Variants in RCOR1 observed in about 807,000 individuals in gnomAD.
The protein encoded by RCOR1 is REST corepressor 1.
In RCOR1, 12 loss-of-function variants were observed where a neutral mutation model predicts 64.0. The ratio of observed to expected loss-of-function variants is 0.19; its 90% CI spans 0.12 to 0.30. RCOR1 has a LOEUF of 0.30. RCOR1 is among the 10% of genes least tolerant of loss of function. The pLI, the probability that RCOR1 is intolerant of heterozygous loss-of-function variation, is 1.00. For synonymous variants in RCOR1, 279 were observed against 227.2 expected (o/e 1.23, Z -2.05); for missense variants, 502 against 621.2 (o/e 0.81, Z 2.04).
chr14:102,599,805 TTTG>T lies in RCOR1; in HGVS notation c.361+6483_361+6485del, dbSNP rs1268017728. ...TGAATGCTTTGTGGTTTTGTTTTGT[TTTG>T]TTTTTTTTTTTTGAAACAAGGTCTT... On this transcript the variant is annotated intron_variant, in intron 2 of 11. Coordinates refer to ENST00000262241, the MANE Select transcript of RCOR1 (RefSeq NM_015156.4). Among the ~76,000 whole-genome samples the T allele has an allele frequency of 1.7e-4, 14 of 83,352 alleles. 1 individual carries two copies. The highest frequency in any genetic ancestry group is 2.4e-4 in the Non-Finnish European group (8 of 33,764). The allele number at this position is 83,352 out of a possible 152,430, so 54.7% of individuals were successfully genotyped here. A position where few individuals can be genotyped will look rare whatever the true frequency, so the allele number is the denominator to read the frequency against.
intron 2 of RCOR1, among the ~76,000 whole-genome samples, chr14:102,670,741 TTATA>T (rs5811078): frequency 4.8e-5 from 7 of 146,714 alleles, no homozygotes; most frequent in Admixed American, 1.4e-4. Flanking sequence ...GACAAGATTA[TTATA>T]TATATATATA....
At chr14:102,635,266 G>A (rs796678660) in intron 2 of RCOR1, among the ~76,000 whole-genome samples, 6 of 152,140 alleles carry the variant, frequency 3.9e-5, no homozygotes, top group Admixed American at 1.3e-4. Flanking sequence ...CACTTTGGGC[G>A]GCCCAGGCGG....
intron 2 of RCOR1, among the ~76,000 whole-genome samples, chr14:102,612,278 C>G (rs1328779614): frequency 6.6e-6 from 1 of 152,078 alleles, no homozygotes; most frequent in East Asian, 1.9e-4. Context: ...CTTCCCAAAC[C>G]TTGGCCTCCC....
At chr14:102,653,920 CTTCT>C (rs553960381) in intron 2 of RCOR1, among the ~76,000 whole-genome samples, 5,690 of 98,508 alleles carry the variant, frequency 0.058, 339 homozygotes, top group Non-Finnish European at 0.078. Context: ...CAGGTATTTC[CTTCT>C]TTCTTTCTTT....
chr14:102,678,727 A>G lies in RCOR1; in HGVS notation c.362-3168A>G, dbSNP rs143087261. Among the ~76,000 whole-genome samples, 155 of 152,330 alleles carry G rather than the reference A, an allele frequency of 1.0e-3. 2 individuals are homozygous for G. In the East Asian group the frequency reaches 0.028, roughly 27 times the overall value. ...TGCAAAACTTTCCCAGAATGGCTTT[A>G]TAATTTTGCATTTACACCAGCAGTG... On this transcript the variant is annotated intron_variant, in intron 2 of 11. Coordinates refer to ENST00000262241, the MANE Select transcript of RCOR1 (RefSeq NM_015156.4).
chr14:102,690,339 C>A (rs1348506701), intron 3 of RCOR1, among the ~76,000 whole-genome samples: 1 of 152,116 alleles, frequency 6.6e-6, no homozygotes, highest in Non-Finnish European at 1.5e-5. Flanking sequence ...TCAGGTGTCT[C>A]TATTCAGAGC....
At chr14:102,593,556 C>A (rs1595184872) in intron 2 of RCOR1, among the ~76,000 whole-genome samples, 1 of 152,252 alleles carries the variant, frequency 6.6e-6, no homozygotes, top group Admixed American at 6.5e-5. Context: ...GCCGGCGCCG[C>A]TGCCCCCTTG....
intron 3 of RCOR1, among the ~76,000 whole-genome samples, chr14:102,694,991 C>A (rs967991237): frequency 5.3e-5 from 8 of 152,164 alleles, no homozygotes; most frequent in African/African-American, 1.7e-4. Context: ...GCCTTGTCAT[C>A]AGCCCACCAT....
chr14:102,637,987 C>A (rs910913672), intron 2 of RCOR1, among the ~76,000 whole-genome samples: 1 of 151,860 alleles, frequency 6.6e-6, no homozygotes, highest in African/African-American at 2.4e-5. Flanking sequence ...TCTTTTTGTT[C>A]CAATTTCTGT....
chr14:102,634,960 G>A (rs766853454), intron 2 of RCOR1, among the ~76,000 whole-genome samples: 5 of 150,822 alleles, frequency 3.3e-5, no homozygotes, highest in Non-Finnish European at 5.9e-5. Context: ...CGCCCACCTC[G>A]GCCTCCCAAA....
intron 2 of RCOR1, among the ~76,000 whole-genome samples, chr14:102,679,310 A>T (rs12897586): frequency 0.039 from 5,891 of 152,146 alleles, 130 homozygotes; most frequent in Non-Finnish European, 0.044. Flanking sequence ...AAATTTTTTT[A>T]AAAAAATGTT....
chr14:102,609,340 G>A (rs569439803), intron 2 of RCOR1, among the ~76,000 whole-genome samples: 11 of 152,026 alleles, frequency 7.2e-5, no homozygotes, highest in Admixed American at 2.6e-4. Context: ...ACTGTGCCTG[G>A]TCTGTGCTTA....
In RCOR1 at chr14:102,613,165, A is replaced by T. The variant is rs556529033; in HGVS notation, c.361+19840A>T. Among the ~76,000 whole-genome samples, 15 of 151,946 alleles carry T rather than the reference A, an allele frequency of 9.9e-5. No homozygotes were observed. In the South Asian group the frequency reaches 2.7e-3, roughly 27 times the overall value. On this transcript the variant is annotated intron_variant, in intron 2 of 11. Transcript: ENST00000262241. ...CGCCCACGCTGGAATGCAGTGGCACAATCTCGGCTCATTGCAACCTTCGCC... is the reference window on the plus strand; with the variant it reads ...CGCCCACGCTGGAATGCAGTGGCACTATCTCGGCTCATTGCAACCTTCGCC...
chr14:102,615,274 A>T (rs549154916), intron 2 of RCOR1, among the ~76,000 whole-genome samples: 1 of 149,250 alleles, frequency 6.7e-6, no homozygotes, highest in South Asian at 2.1e-4. Context: ...CTGGAACTAC[A>T]GGTGTATGTC....
Position 102,593,040 on chromosome 14 carries a change from T to C in RCOR1, c.154T>C (p.Ser52Pro). The change falls in exon 1 of 12, where the codon TCC (serine) becomes CCC (proline). Residue 52 changes from serine to proline, a missense_variant. By Grantham distance (74) the Ser-to-Pro change is moderately conservative. This residue lies in a region of RCOR1 where 242 missense variants were observed against 204.9 expected (regional missense o/e 1.18). Coordinates refer to ENST00000262241, the MANE Select transcript of RCOR1 (RefSeq NM_015156.4). ...CACTGCCGCCTCGGGCGCCGCCGCC[T>C]CCTCAGCCTCGGCCGCCGCCGCCTC... ...AATAASGAAA[S>P]SASAAAASAA... is the part of the protein sequence containing the mutation. 7.7e-7 allele frequency: 1 copy of C among 1,301,134 alleles called. No homozygotes were observed. Among genetic ancestry groups the C allele is most frequent in the Non-Finnish European group, 9.8e-7 (1 of 1,016,162 alleles). The allele number at this position is 1,301,134 out of a possible 1,614,324, so 80.6% of individuals were successfully genotyped here. A position where few individuals can be genotyped will look rare whatever the true frequency, so the allele number is the denominator to read the frequency against.
rs563390894 is a variant in RCOR1 at position 102,597,817 on chromosome 14, AT to A, written c.361+4506del. 3.7e-3 allele frequency among the ~76,000 whole-genome samples: 494 copies of A among 135,242 alleles called. 3 individuals are homozygous for A. The highest frequency in any genetic ancestry group is 5.3e-3 in the Non-Finnish European group (331 of 62,384). 88.7% of individuals were successfully genotyped at this position (135,242 alleles called of 152,430 possible). A position where few individuals can be genotyped will look rare whatever the true frequency, so the allele number is the denominator to read the frequency against. Reference sequence around the variant, plus strand: ...TCTGGCTAATTTTGGTATTTTTGCAATTTTTTTTTTTTTTGAGATGGAGTTT... The same window carrying A: ...TCTGGCTAATTTTGGTATTTTTGCAATTTTTTTTTTTTTGAGATGGAGTTT... On this transcript the variant is annotated intron_variant, in intron 2 of 11. Transcript: ENST00000262241.
At chr14:102,672,578 A>T (rs1411503511) in intron 2 of RCOR1, among the ~76,000 whole-genome samples, 9 of 152,206 alleles carry the variant, frequency 5.9e-5, no homozygotes, top group Non-Finnish European at 4.4e-5. Flanking sequence ...TAGCCAAATA[A>T]TCTGACTAAA....
chr14:102,676,038 T>G (rs1392647636), intron 2 of RCOR1, among the ~76,000 whole-genome samples: 1 of 152,128 alleles, frequency 6.6e-6, no homozygotes, highest in African/African-American at 2.4e-5. Context: ...ACAGTTTTTT[T>G]TTTTTTTTTT....
chr14:102,711,573 G>A (rs1895959165), intron 7 of RCOR1, among the ~76,000 whole-genome samples: 1 of 152,054 alleles, frequency 6.6e-6, no homozygotes, highest in Admixed American at 6.5e-5. Flanking sequence ...GGATTCAGGG[G>A]GCTCGTGAAC....
Sources: allele counts gnomAD v4.1 joint callset (sites outside exome capture counted in the v4.1 genomes callset), GRCh38; gene constraint gnomAD v4.1.1; regional missense constraint gnomAD v4.1.1; transcripts MANE v1.5; gene names NCBI Gene and HGNC (gene_info 2026-07-23, HGNC 2026-07-21).